AP1AR: variants seen among roughly 807,000 people sequenced by gnomAD.
The protein encoded by AP1AR is AP-1 complex-associated regulatory protein.
A neutral mutation model predicts 46.3 loss-of-function variants in AP1AR; 29 were observed. The observed-to-expected ratio is 0.63, with a 90% confidence interval of 0.47 to 0.85. AP1AR has a LOEUF of 0.85. AP1AR is among the 40% of genes least tolerant of loss of function. The pLI, the probability that AP1AR is intolerant of heterozygous loss-of-function variation, is 0.00. For synonymous variants in AP1AR, 122 were observed against 122.9 expected, an observed-to-expected ratio of 0.99 and a Z score of 0.05; for missense variants, 357 against 356.3, an observed-to-expected ratio of 1.00 and a Z score of -0.02.
At chr4:112,266,258 TTTTTG>T (rs1160544795) in intron 8 of AP1AR, among the ~76,000 whole-genome samples, 1 of 151,816 alleles carries the variant, frequency 6.6e-6, no homozygotes, top group Admixed American at 6.6e-5. Context: ...TATAGGTTGC[TTTTTG>T]TTTTATCTTT....
chr4:112,240,427 T>TA (rs1725441917), intron 1 of AP1AR, among the ~76,000 whole-genome samples: 1 of 152,236 alleles, frequency 6.6e-6, no homozygotes, highest in African/African-American at 2.4e-5. Flanking sequence ...GTCATACTGA[T>TA]ATAGTGTGAT....
Position 112,254,652 on chromosome 4 carries a change from A to G in AP1AR, c.133-95A>G, listed in dbSNP as rs1410532709. On this transcript the variant is annotated intron_variant, in intron 2 of 9. Transcript: ENST00000274000. Reference sequence around the variant, plus strand: ...TTAAATAGCTTACAAATATAAAGGTATATTATTTTTAAGTGAAAAAAGTAA... The same window carrying G: ...TTAAATAGCTTACAAATATAAAGGTGTATTATTTTTAAGTGAAAAAAGTAA... 8 of 688,568 alleles carry G rather than the reference A, an allele frequency of 1.2e-5. No individual in the cohort carries two copies. In the Admixed American group the frequency reaches 1.3e-4, roughly 11 times the overall value. The allele number at this position is 688,568 out of a possible 1,614,324, so 42.7% of individuals were successfully genotyped here. A position where few individuals can be genotyped will look rare whatever the true frequency, so the allele number is the denominator to read the frequency against.
At position 112,242,131 on chromosome 4, in the gene AP1AR, A is replaced by C. The variant is rs754054678; in HGVS notation, c.83+9957A>C. On this transcript the variant is annotated intron_variant, in intron 1 of 9. Coordinates refer to ENST00000274000, the MANE Select transcript of AP1AR (RefSeq NM_018569.6). ...ACTTTGATATGAGTATTTGCCTGCT[A>C]TGCAAAACAAAGTGAGAAGCATAAA... Among the ~76,000 whole-genome samples, 3 of 152,250 alleles carry C rather than the reference A, an allele frequency of 2.0e-5. 1 individual carries two copies. In the South Asian group the frequency reaches 6.2e-4, roughly 31 times the overall value.
intron 1 of AP1AR, 80 bp downstream of exon 1, chr4:112,232,254 CCGG>C: frequency 8.3e-7 from 1 of 1,205,018 alleles, no homozygotes; most frequent in Non-Finnish European, 1.0e-6. Flanking sequence ...TCACCGTCCC[CCGG>C]CGGCTGGAGG....
chr4:112,253,076 T>C (rs1434961219), intron 1 of AP1AR, 132 bp from the exon 2 acceptor site: 5 of 606,780 alleles, frequency 8.2e-6, no homozygotes, highest in Middle Eastern at 4.6e-4. Flanking sequence ...TTTGTTGTTC[T>C]TTTTTTATAA....
At chr4:112,250,321 T>C (rs1406369210) in intron 1 of AP1AR, among the ~76,000 whole-genome samples, 2 of 152,214 alleles carry the variant, frequency 1.3e-5, no homozygotes, top group African/African-American at 2.4e-5. Context: ...AAGATTTGAG[T>C]TTTCATTTTT....
At chr4:112,242,848 G>A (rs1489481480) in intron 1 of AP1AR, among the ~76,000 whole-genome samples, 2 of 152,158 alleles carry the variant, frequency 1.3e-5, no homozygotes, top group Non-Finnish European at 2.9e-5. Context: ...ATACGCAGAA[G>A]CCTACTTTAC....
intron 3 of AP1AR, 176 bp downstream of exon 3, chr4:112,254,949 G>C (rs1726118057): frequency 2.7e-6 from 1 of 370,916 alleles, no homozygotes; most frequent in African/African-American, 2.1e-5. Flanking sequence ...ATTTATATTA[G>C]AAAATAATTC....
In AP1AR at chr4:112,234,270, A is replaced by G. The variant is rs565467570; in HGVS notation, c.83+2096A>G. Among the ~76,000 whole-genome samples, 83 of 152,390 alleles carry G rather than the reference A, an allele frequency of 5.4e-4. 1 individual carries two copies. Among genetic ancestry groups the G allele is most frequent in the South Asian group, 4.1e-3 (20 of 4,832 alleles). On this transcript the variant is annotated intron_variant, in intron 1 of 9. Transcript: ENST00000274000. ...TGTAGTATCTGAAAATCTGAAATCC[A>G]GAATTCTCCAATGAACATTTTCTTT...
In AP1AR at chr4:112,264,578, T is replaced by A. The variant is rs531081091; in HGVS notation, c.382-431T>A. On this transcript the variant is annotated intron_variant, in intron 6 of 9. Transcript: ENST00000274000. ...AATCTTAGCCAATTGCTTTTATTATTTCTGAGTCAACTCAGCCAGATCTTA... is the reference window on the plus strand; with the variant it reads ...AATCTTAGCCAATTGCTTTTATTATATCTGAGTCAACTCAGCCAGATCTTA... Among the ~76,000 whole-genome samples, 18 of 152,266 alleles carry A rather than the reference T, an allele frequency of 1.2e-4. No individual in the cohort carries two copies. The South Asian group carries it at 3.7e-3, about 32-fold the overall frequency.
rs533686381 is a variant in AP1AR, at chr4:112,271,115, G to A, written c.*2706G>A. ...GGGGTAACACATCTGGCATGGTGCC[G>A]TGGCTACCTTGCTCACTGCACATAG... On this transcript the variant is annotated 3_prime_UTR_variant, in exon 10 of 10. Transcript: ENST00000274000. Among the ~76,000 whole-genome samples the A allele has an allele frequency of 1.8e-4, 28 of 152,290 alleles. No homozygotes were observed. The highest frequency in any genetic ancestry group is 3.7e-4 in the Non-Finnish European group (25 of 68,018).
intron 8 of AP1AR, 99 bp from the exon 9 acceptor site, chr4:112,266,489 A>G (rs1726712635): frequency 8.9e-7 from 1 of 1,123,926 alleles, no homozygotes. Context: ...AAAAGTAATA[A>G]TAATAATATT....
chr4:112,261,631 T>C (rs894758512), intron 5 of AP1AR, among the ~76,000 whole-genome samples: 1 of 152,142 alleles, frequency 6.6e-6, no homozygotes, highest in Non-Finnish European at 1.5e-5. Context: ...AATGGAATTA[T>C]TCATATTCTG....
rs779768891 is a variant in AP1AR, at chr4:112,266,719, AT to A, written c.643+7del. ...TCTAGAGTGGGAAGATGAAGAAGGT[AT>A]TTTATAATTCACAATTTTACCTGAA... On this transcript the variant is annotated splice_donor_region_variant and intron_variant, in intron 9 of 9. Coordinates refer to ENST00000274000, the MANE Select transcript of AP1AR (RefSeq NM_018569.6). 1 of 1,598,060 alleles carries A rather than the reference AT, an allele frequency of 6.3e-7. No homozygotes were observed. The highest frequency in any genetic ancestry group is 1.1e-5 in the South Asian group (1 of 89,044).
intron 4 of AP1AR, 48 bp downstream of exon 4, chr4:112,257,845 A>C: frequency 6.8e-7 from 1 of 1,481,132 alleles, no homozygotes; most frequent in Non-Finnish European, 9.0e-7. Flanking sequence ...GCAAACTGTA[A>C]GAAAACTCTC....
intron 2 of AP1AR, 145 bp from the exon 3 acceptor site, chr4:112,254,602 A>G (rs1290991823): frequency 2.2e-6 from 1 of 459,668 alleles, no homozygotes; most frequent in East Asian, 3.7e-5. Context: ...ATCAAATGAA[A>G]TGATGTATTA....
intron 4 of AP1AR, 64 bp downstream of exon 4, chr4:112,257,861 A>AAGTC: frequency 7.2e-7 from 1 of 1,385,772 alleles, no homozygotes; most frequent in Non-Finnish European, 9.7e-7. Context: ...CTCTCTTAAG[A>AAGTC]AGTCAGGCTT....
chr4:112,265,860 G>A, intron 8 of AP1AR, 53 bp downstream of exon 8: 1 of 1,160,520 alleles, frequency 8.6e-7, no homozygotes. Flanking sequence ...AAACAGATAA[G>A]TAGAGATTCT....
intron 1 of AP1AR, among the ~76,000 whole-genome samples, chr4:112,242,368 C>T (rs1483832682): frequency 1.3e-5 from 2 of 152,104 alleles, no homozygotes; most frequent in African/African-American, 4.8e-5. Context: ...TTCTTTTCTA[C>T]CCCTCTGATG....
Sources: gnomAD v4.1 joint callset for allele counts (sites outside exome capture counted in the v4.1 genomes callset) on GRCh38, gnomAD v4.1.1 for gene constraint, MANE v1.5 for transcripts, NCBI Gene and HGNC (gene_info 2026-07-23, HGNC 2026-07-21) for gene names.